ATP2C1: variants seen among roughly 807,000 people sequenced by gnomAD.
The protein encoded by ATP2C1 is calcium-transporting ATPase type 2C member 1.
In ATP2C1, 31 loss-of-function variants were observed where a neutral mutation model predicts 120.5. The ratio of observed to expected loss-of-function variants is 0.26; its 90% CI spans 0.19 to 0.35. ATP2C1 has a LOEUF of 0.35. Among genes scored for constraint, ATP2C1 ranks in the 10% least tolerant of loss-of-function variants. ATP2C1 has a pLI of 1.00. For missense variants in ATP2C1, 731 were observed against 1,107.5 expected, an observed-to-expected ratio of 0.66 and a Z score of 4.83; for synonymous variants, 351 against 358.7, an observed-to-expected ratio of 0.98 and a Z score of 0.24.
chr3:131,010,985 T>C (rs1218900357), intron 26 of ATP2C1, among the ~76,000 whole-genome samples: 1 of 152,266 alleles, frequency 6.6e-6, no homozygotes, highest in African/African-American at 2.4e-5. Context: ...AATATACTTG[T>C]TATTGTATCT....
intron 2 of ATP2C1, among the ~76,000 whole-genome samples, chr3:130,916,580 A>C (rs1052206039): frequency 6.6e-6 from 1 of 152,060 alleles, no homozygotes; most frequent in Non-Finnish European, 1.5e-5. Flanking sequence ...GCCATTATGT[A>C]TTGCTGCAGT....
At chr3:130,916,255 A>C (rs899706443) in intron 2 of ATP2C1, among the ~76,000 whole-genome samples, 8 of 151,558 alleles carry the variant, frequency 5.3e-5, no homozygotes, top group Non-Finnish European at 8.8e-5. Context: ...AAAAAAAAAA[A>C]AAAACAAAAA....
In ATP2C1 at chr3:130,894,509, G is replaced by A; in HGVS notation, c.-180-81G>A. 7.2e-7 allele frequency: 1 copy of A among 1,388,168 alleles called. No homozygotes were observed. The highest frequency in any genetic ancestry group is 9.3e-7 in the Non-Finnish European group (1 of 1,071,506). 86.0% of individuals were successfully genotyped at this position (1,388,168 alleles called of 1,614,324 possible). On this transcript the variant is annotated intron_variant, in intron 1 of 27. Transcript: ENST00000510168. This position sits in a 1 kb window ranked among gnomAD's most constrained non-coding sequence, Gnocchi z 4.5. ...GGGCGGGTGCGGGATCTTGGGGAGG[G>A]GGGCTCCCGAGATAGTGGCTGGGCG...
intron 8 of ATP2C1, among the ~76,000 whole-genome samples, chr3:130,944,162 A>C (rs188953402): frequency 2.6e-5 from 4 of 152,330 alleles, no homozygotes; most frequent in African/African-American, 9.6e-5. Context: ...ACTAGGCCTA[A>C]AGCCACAGTT....
At chr3:130,931,173 A>C (rs1346274176) in intron 3 of ATP2C1, among the ~76,000 whole-genome samples, 1 of 152,062 alleles carries the variant, frequency 6.6e-6, no homozygotes, top group African/African-American at 2.4e-5. Context: ...ACTCTGCTTT[A>C]AAACCACTTA....
At chr3:130,859,410 T>C (rs996289672) in intron 1 of ATP2C1, among the ~76,000 whole-genome samples, 5 of 152,256 alleles carry the variant, frequency 3.3e-5, no homozygotes, top group African/African-American at 1.2e-4. Flanking sequence ...TAACTACTTC[T>C]AATCCATAGT....
intron 2 of ATP2C1, among the ~76,000 whole-genome samples, chr3:130,914,683 G>A (rs1442398591): frequency 1.3e-5 from 2 of 152,202 alleles, no homozygotes; most frequent in African/African-American, 4.8e-5. Context: ...AGGATTGGAA[G>A]TTGAAGCAAG....
At chr3:130,873,725 GAA>G (rs1356800981) in intron 1 of ATP2C1, among the ~76,000 whole-genome samples, 2 of 152,090 alleles carry the variant, frequency 1.3e-5, no homozygotes, top group African/African-American at 4.8e-5. Context: ...TTGGGAAAAA[GAA>G]AAGACTATAG....
At chr3:130,997,322 C>T (rs1478733439) in intron 24 of ATP2C1, among the ~76,000 whole-genome samples, 1 of 152,154 alleles carries the variant, frequency 6.6e-6, no homozygotes, top group African/African-American at 2.4e-5. Flanking sequence ...ATGTATTTCA[C>T]ACCGTATTTG....
Position 130,991,318 on chromosome 3 carries a change from A to G in ATP2C1, c.1840-1633A>G, listed in dbSNP as rs953344080. On this transcript the variant is annotated intron_variant, in intron 20 of 27. Coordinates refer to ENST00000510168, the MANE Select transcript of ATP2C1 (RefSeq NM_001378687.1). The stretch of plus-strand genomic sequence containing the variant: ...TGAGAAATGACTGTAGGCATTAGCA[A>G]TGTGGTGGTGGTGGTGGTGGTGCAG... 3.9e-5 allele frequency among the ~76,000 whole-genome samples: 6 copies of G among 152,278 alleles called. No homozygotes were observed. The East Asian group carries it at 5.8e-4, about 15-fold the overall frequency.
At chr3:130,907,382 A>C (rs1375308557) in intron 2 of ATP2C1, among the ~76,000 whole-genome samples, 1 of 152,040 alleles carries the variant, frequency 6.6e-6, no homozygotes, top group Non-Finnish European at 1.5e-5. Flanking sequence ...ATTCAATGTG[A>C]TGAAGATTAT....
At chr3:130,856,543 C>A (rs79459900) in intron 1 of ATP2C1, among the ~76,000 whole-genome samples, 2,485 of 152,292 alleles carry the variant, frequency 0.016, 81 homozygotes, top group African/African-American at 0.057. Flanking sequence ...CAAAGCTATT[C>A]ATTGTAAAAA....
chr3:130,998,446 T>C, intron 26 of ATP2C1, 57 bp downstream of exon 26: 1 of 1,280,650 alleles, frequency 7.8e-7, no homozygotes. Context: ...GTAGAGTGCT[T>C]TCTAATAAGT....
chr3:130,895,176 G>T (rs2069491685), intron 2 of ATP2C1, among the ~76,000 whole-genome samples: 1 of 152,192 alleles, frequency 6.6e-6, no homozygotes, highest in Non-Finnish European at 1.5e-5. Flanking sequence ...CCTCGATGTG[G>T]TGTGTGGCAG....
chr3:131,015,990 C>T (rs1407571910), intron 26 of ATP2C1: 1 of 916,700 alleles, frequency 1.1e-6, no homozygotes, highest in Non-Finnish European at 1.7e-6. Flanking sequence ...AGCTCTTCAG[C>T]TGTAACAGTG....
intron 1 of ATP2C1, among the ~76,000 whole-genome samples, chr3:130,870,740 C>T (rs1047768362): frequency 2.6e-5 from 4 of 152,168 alleles, no homozygotes; most frequent in African/African-American, 9.7e-5. Context: ...ATGCTGTGAA[C>T]ATTGTTGAAA....
intron 12 of ATP2C1, chr3:130,959,584 A>G (rs79891467): frequency 8.6e-6 from 2 of 233,634 alleles, no homozygotes; most frequent in African/African-American, 2.3e-5. Flanking sequence ...TTGCCTTTTT[A>G]TATATAAATA....
In ATP2C1 at chr3:130,981,645, G is replaced by A. The variant is rs759741432; in HGVS notation, c.1839+966G>A. The stretch of plus-strand genomic sequence containing the variant: ...ATAAGAAACTGCCAAGTTGTTTTAC[G>A]AGATGGCTTTATTATTTTGCAACCC... On this transcript the variant is annotated intron_variant, in intron 20 of 27. Coordinates refer to ENST00000510168, the MANE Select transcript of ATP2C1 (RefSeq NM_001378687.1). 3.9e-4 allele frequency among the ~76,000 whole-genome samples: 59 copies of A among 151,972 alleles called. 1 individual carries two copies. Among genetic ancestry groups the A allele is most frequent in the African/African-American group, 1.4e-3 (57 of 41,366 alleles).
At chr3:130,968,844 T>A (rs1461012049) in intron 16 of ATP2C1, among the ~76,000 whole-genome samples, 4 of 152,200 alleles carry the variant, frequency 2.6e-5, no homozygotes, top group Non-Finnish European at 4.4e-5. Flanking sequence ...CTGGTAGTAT[T>A]CAGGATATAA....
Sources: gnomAD v4.1 joint callset for allele counts (sites outside exome capture counted in the v4.1 genomes callset) on GRCh38, gnomAD v4.1.1 for gene constraint, Gnocchi (gnomAD v3.1) non-coding constraint, MANE v1.5 for transcripts, NCBI Gene and HGNC (gene_info 2026-07-23, HGNC 2026-07-21) for gene names.